The following ARID4B variants were observed in gnomAD, a reference collection of about 807,000 sequenced individuals.
The protein encoded by ARID4B is AT-rich interaction domain 4B.
ARID4B carries 26 observed loss-of-function variants against 147.5 expected under a neutral mutation model. The observed-to-expected ratio is 0.18, with a 90% CI of 0.13 to 0.24. The LOEUF (loss-of-function observed/expected upper bound fraction) is 0.24. ARID4B is among the 10% of genes least tolerant of loss of function. ARID4B has a pLI of 1.00. For missense variants in ARID4B, 1,179 were observed against 1,511.5 expected, an observed-to-expected ratio of 0.78 and a Z score of 3.65; for synonymous variants, 512 against 507.9, an observed-to-expected ratio of 1.01 and a Z score of -0.11.
chr1:235,262,394 G>C (rs1006591327), intron 2 of ARID4B, among the ~76,000 whole-genome samples: 1 of 152,108 alleles, frequency 6.6e-6, no homozygotes, highest in Non-Finnish European at 1.5e-5. Flanking sequence ...TTAGGAAAAT[G>C]CCTATTCATC....
At chr1:235,208,981 C>T (rs1244875291) in intron 17 of ARID4B, among the ~76,000 whole-genome samples, 1 of 152,122 alleles carries the variant, frequency 6.6e-6, no homozygotes, top group East Asian at 1.9e-4. Context: ...GTCACTGCAT[C>T]AGAAAAATTC....
intron 19 of ARID4B, among the ~76,000 whole-genome samples, chr1:235,185,605 G>A (rs903944276): frequency 7.2e-5 from 11 of 152,104 alleles, no homozygotes; most frequent in African/African-American, 2.2e-4. Context: ...CTGTACTAGA[G>A]CTCATCGAGT....
At chr1:235,249,864 C>T (rs1019152070) in intron 6 of ARID4B, among the ~76,000 whole-genome samples, 37 of 149,892 alleles carry the variant, frequency 2.5e-4, no homozygotes, top group African/African-American at 8.9e-4. Context: ...CACTTGAACA[C>T]GGGAGGCAGA....
intron 8 of ARID4B, among the ~76,000 whole-genome samples, chr1:235,236,856 A>G (rs1375668422): frequency 5.7e-5 from 2 of 35,084 alleles, no homozygotes; most frequent in Admixed American, 4.6e-4. Context: ...ATATATATAT[A>G]TATATATTTT....
At chr1:235,213,728 A>G (rs1237328114) in intron 17 of ARID4B, 41 bp downstream of exon 17, 7 of 1,561,076 alleles carry the variant, frequency 4.5e-6, no homozygotes, top group Non-Finnish European at 6.1e-6. Flanking sequence ...GTATTTTATA[A>G]TTGTTTTTAG....
chr1:235,281,981 T>C (rs1671697274), intron 2 of ARID4B, among the ~76,000 whole-genome samples: 1 of 152,186 alleles, frequency 6.6e-6, no homozygotes, highest in Non-Finnish European at 1.5e-5. Flanking sequence ...TTTCCTATTT[T>C]GGGTAAAATA....
chr1:235,220,719 CA>C (rs1667406726), intron 14 of ARID4B, among the ~76,000 whole-genome samples, 174 bp from the exon 15 acceptor site: 1 of 151,882 alleles, frequency 6.6e-6, no homozygotes, highest in African/African-American at 2.4e-5. Flanking sequence ...AAAATTTTGT[CA>C]AAAAATTCAT....
chr1:235,284,820 G>A (rs1027617674), intron 2 of ARID4B, among the ~76,000 whole-genome samples: 11 of 152,158 alleles, frequency 7.2e-5, no homozygotes, highest in Non-Finnish European at 1.5e-4. Flanking sequence ...CTTGAGGCCA[G>A]GAGCTCAAGA....
At chr1:235,234,761 T>C (rs1668454869) in intron 8 of ARID4B, among the ~76,000 whole-genome samples, 1 of 152,170 alleles carries the variant, frequency 6.6e-6, no homozygotes. Flanking sequence ...GATGAAGCTG[T>C]GGACGAAGTT....
intron 12 of ARID4B, among the ~76,000 whole-genome samples, chr1:235,224,193 G>T (rs571252190): frequency 2.6e-5 from 4 of 152,054 alleles, no homozygotes; most frequent in Non-Finnish European, 4.4e-5. Context: ...TCCCTTACAA[G>T]CATCTTCCCA....
chr1:235,255,259 A>ATC (rs375747308), intron 5 of ARID4B, among the ~76,000 whole-genome samples: 13 of 91,554 alleles, frequency 1.4e-4, no homozygotes, highest in South Asian at 1.1e-3. Context: ...AGATAGATAG[A>ATC]TAGATATATA....
intron 19 of ARID4B, chr1:235,187,032 C>CT: frequency 2.8e-6 from 1 of 357,254 alleles, no homozygotes; most frequent in Non-Finnish European, 5.3e-6. Context: ...TTGTTCTTTT[C>CT]TTTTTCACTG....
intron 16 of ARID4B, among the ~76,000 whole-genome samples, chr1:235,218,742 T>C (rs1384153923): frequency 6.6e-6 from 1 of 152,168 alleles, no homozygotes; most frequent in Non-Finnish European, 1.5e-5. Flanking sequence ...TATATATTTT[T>C]ATACACAAAA....
At position 235,316,192 on chromosome 1, in the gene ARID4B, G is replaced by A. The variant is rs151093587; in HGVS notation, c.6+10722C>T. On this transcript the variant is annotated intron_variant, in intron 2 of 23. Transcript: ENST00000264183. ...GAATTCAACGAGGTAAACATTTCAAGCAATTCACATTGAGTATCCCTAACT... is the reference window on the plus strand; with the variant it reads ...GAATTCAACGAGGTAAACATTTCAAACAATTCACATTGAGTATCCCTAACT... 5.9e-3 allele frequency among the ~76,000 whole-genome samples: 894 copies of A among 152,224 alleles called. 13 individuals are homozygous for A. The highest frequency in any genetic ancestry group is 0.021 in the African/African-American group (852 of 41,536).
intron 6 of ARID4B, among the ~76,000 whole-genome samples, chr1:235,249,366 T>C (rs1669496882): frequency 1.3e-5 from 2 of 152,060 alleles, no homozygotes; most frequent in South Asian, 4.1e-4. Flanking sequence ...TATCAGATGA[T>C]GAATCTACTT....
chr1:235,300,988 T>C (rs1222904350), intron 2 of ARID4B, among the ~76,000 whole-genome samples: 1 of 151,810 alleles, frequency 6.6e-6, no homozygotes, highest in Non-Finnish European at 1.5e-5. Flanking sequence ...GTGCTGGGAT[T>C]ATAGGCGTGA....
At chr1:235,230,617 CCAG>C (rs1428185587) in intron 10 of ARID4B, among the ~76,000 whole-genome samples, 14,200 of 114,758 alleles carry the variant, frequency 0.12, 695 homozygotes, top group African/African-American at 0.18. Flanking sequence ...AAAAAAAAAA[CCAG>C]AAAAAAAAAG....
intron 2 of ARID4B, among the ~76,000 whole-genome samples, chr1:235,301,964 A>G (rs1476841508): frequency 6.6e-6 from 1 of 151,388 alleles, no homozygotes; most frequent in Admixed American, 6.6e-5. Flanking sequence ...AAGTGCTAGG[A>G]TTACAGGCAT....
chr1:235,246,623 C>A, intron 6 of ARID4B, 112 bp from the exon 7 acceptor site: 1 of 687,706 alleles, frequency 1.5e-6, no homozygotes, highest in East Asian at 2.7e-5. Context: ...AAACTCTCCC[C>A]CCAGGGAAGC....
Sources: gnomAD v4.1 joint callset for allele counts (sites outside exome capture counted in the v4.1 genomes callset) on GRCh38, gnomAD v4.1.1 for gene constraint, MANE v1.5 for transcripts, NCBI Gene and HGNC (gene_info 2026-07-23, HGNC 2026-07-21) for gene names.